MAL2: variants seen among roughly 807,000 people sequenced by gnomAD.
The protein encoded by MAL2 is protein MAL2.
A neutral mutation model predicts 18.1 loss-of-function variants in MAL2; 17 were observed. The ratio of observed to expected loss-of-function variants is 0.94; its 90% CI spans 0.64 to 1.41. The LOEUF is 1.41. Ranked by LOEUF, MAL2 falls within the 40% of genes most tolerant of loss-of-function variation. The pLI is 0.00. For missense variants in MAL2, 222 were observed against 231.9 expected (o/e 0.96, Z 0.28); for synonymous variants, 102 against 102.3 (o/e 1.00, Z 0.02).
intron 2 of MAL2, among the ~76,000 whole-genome samples, chr8:119,233,913 T>C (rs1335887140): frequency 6.6e-6 from 1 of 152,110 alleles, no homozygotes; most frequent in East Asian, 1.9e-4. Context: ...TGAACATTGA[T>C]GCAAAAATCC....
At chr8:119,226,622 CATGAAGGCAATTAAGAAA>C (rs1162325691) in intron 2 of MAL2, among the ~76,000 whole-genome samples, 1 of 148,488 alleles carries the variant, frequency 6.7e-6, no homozygotes, top group Non-Finnish European at 1.5e-5. Context: ...AGCAAGAGCA[CATGAAGGCAATTAAGAAA>C]GTGAAGGCAA....
At chr8:119,220,329 G>A (rs900238013) in intron 1 of MAL2, among the ~76,000 whole-genome samples, 1 of 152,104 alleles carries the variant, frequency 6.6e-6, no homozygotes, top group African/African-American at 2.4e-5. Flanking sequence ...TCTGTCCTCA[G>A]TGTTCTGATT....
chr8:119,217,776 A>G (rs1817382240), intron 1 of MAL2, among the ~76,000 whole-genome samples: 1 of 152,070 alleles, frequency 6.6e-6, no homozygotes. Flanking sequence ...TCTGCTTTTT[A>G]CTTCTAAAAA....
chr8:119,212,002 C>T (rs1301890125), intron 1 of MAL2, among the ~76,000 whole-genome samples: 1 of 152,146 alleles, frequency 6.6e-6, no homozygotes, highest in African/African-American at 2.4e-5. Context: ...TGTTTAAACC[C>T]TTCCTCACCA....
intron 1 of MAL2, among the ~76,000 whole-genome samples, chr8:119,213,981 T>G (rs1230369638): frequency 6.6e-6 from 1 of 152,176 alleles, no homozygotes; most frequent in African/African-American, 2.4e-5. Flanking sequence ...ACCAAGTAGC[T>G]GAAAAGATTC....
At chr8:119,240,883 A>G (rs999835715) in intron 3 of MAL2, among the ~76,000 whole-genome samples, 2 of 152,158 alleles carry the variant, frequency 1.3e-5, no homozygotes, top group Non-Finnish European at 2.9e-5. Flanking sequence ...GTATTTATTA[A>G]ATTTTTTAAA....
chr8:119,239,291 A>T (rs1188762567), intron 2 of MAL2, among the ~76,000 whole-genome samples: 3 of 152,014 alleles, frequency 2.0e-5, no homozygotes, highest in Non-Finnish European at 4.4e-5. Flanking sequence ...GCTGGAGAGG[A>T]TGTGGAGAAA....
chr8:119,208,674 G>A lies in MAL2; in HGVS notation c.132+70G>A, dbSNP rs938490268. On this transcript the variant is annotated intron_variant, in intron 1 of 3. Transcript: ENST00000614891. The surrounding 1 kb of genome is among the most constrained non-coding windows in gnomAD (Gnocchi z 4.3). Reference sequence around the variant, plus strand: ...AGGCGGCGGCATCCTTGTCCCCCGGGCTGTCTTCCTCTGCGTCCGCCCCCG... The same window carrying A: ...AGGCGGCGGCATCCTTGTCCCCCGGACTGTCTTCCTCTGCGTCCGCCCCCG... The A allele has an allele frequency of 1.2e-4, 154 of 1,233,946 alleles. No homozygotes were observed. Among genetic ancestry groups the A allele is most frequent in the Middle Eastern group, 2.5e-4 (1 of 4,062 alleles). The allele number at this position is 1,233,946 out of a possible 1,614,324, so 76.4% of individuals were successfully genotyped here.
chr8:119,242,959 C>A (rs1348577659), intron 3 of MAL2, among the ~76,000 whole-genome samples: 1 of 152,212 alleles, frequency 6.6e-6, no homozygotes, highest in Admixed American at 6.5e-5. Flanking sequence ...TAATTCATTT[C>A]CACTTGTCTT....
chr8:119,238,271 C>A (rs557079057), intron 2 of MAL2, among the ~76,000 whole-genome samples: 2,178 of 144,246 alleles, frequency 0.015, 56 homozygotes, highest in African/African-American at 0.059. Context: ...CCACTGCTCA[C>A]TGAAATGAAA....
chr8:119,227,068 G>A (rs1817611827), intron 2 of MAL2, among the ~76,000 whole-genome samples: 1 of 152,214 alleles, frequency 6.6e-6, no homozygotes, highest in Non-Finnish European at 1.5e-5. Context: ...CCCTATACTA[G>A]GCCCTGGGAA....
chr8:119,240,074 T>C, intron 2 of MAL2, 91 bp from the exon 3 acceptor site: 1 of 1,316,698 alleles, frequency 7.6e-7, no homozygotes, highest in Non-Finnish European at 1.1e-6. Flanking sequence ...TTAAATGTTT[T>C]GATCTTGCTA....
chr8:119,223,660 CA>C (rs1360613360), intron 2 of MAL2: 1 of 152,136 alleles, frequency 6.6e-6, no homozygotes, highest in East Asian at 1.9e-4. Context: ...GTTACTGAGG[CA>C]AAAGATGGTA....
At chr8:119,239,861 CTA>C (rs1176918703) in intron 2 of MAL2, among the ~76,000 whole-genome samples, 3 of 107,774 alleles carry the variant, frequency 2.8e-5, no homozygotes, top group Non-Finnish European at 6.2e-5. Flanking sequence ...ACATATGTAA[CTA>C]ACCTGCACAT....
At chr8:119,230,977 GGTTA>G (rs1443797577) in intron 2 of MAL2, among the ~76,000 whole-genome samples, 4 of 152,072 alleles carry the variant, frequency 2.6e-5, no homozygotes, top group Non-Finnish European at 4.4e-5. Flanking sequence ...TCTTACCCAT[GGTTA>G]GTTAAATTTG....
At chr8:119,239,665 C>A (rs1330458188) in intron 2 of MAL2, among the ~76,000 whole-genome samples, 1 of 151,662 alleles carries the variant, frequency 6.6e-6, no homozygotes, top group Non-Finnish European at 1.5e-5. Context: ...TAAACTATCG[C>A]AAGAACAAAA....
rs557160790 is a variant in MAL2 at position 119,223,148 on chromosome 8, T to C, written c.303+1391T>C. 2.0e-5 allele frequency: 3 copies of C among 152,350 alleles called. No individual in the cohort carries two copies. In the South Asian group the frequency reaches 6.2e-4, roughly 32 times the overall value. 9.4% of individuals were successfully genotyped at this position (152,350 alleles called of 1,614,324 possible). On this transcript the variant is annotated intron_variant, in intron 2 of 3. Coordinates refer to ENST00000614891, the MANE Select transcript of MAL2 (RefSeq NM_052886.3). The stretch of plus-strand genomic sequence containing the variant: ...GCAGATGTTAAATATCTGTTCTTGT[T>C]TTATTTATAGGGCATAAGAGGAACT...
chr8:119,232,102 A>G (rs796774242), intron 2 of MAL2, among the ~76,000 whole-genome samples: 1 of 131,180 alleles, frequency 7.6e-6, no homozygotes, highest in Non-Finnish European at 1.5e-5. Context: ...GGTTTTATAT[A>G]TTTTTTTATA....
chr8:119,241,854 T>C (rs929827333), intron 3 of MAL2, among the ~76,000 whole-genome samples: 1 of 152,178 alleles, frequency 6.6e-6, no homozygotes, highest in African/African-American at 2.4e-5. Flanking sequence ...ATCTAGAAGA[T>C]AAAAGTGTAA....
Sources: allele counts gnomAD v4.1 joint callset (sites outside exome capture counted in the v4.1 genomes callset), GRCh38; gene constraint gnomAD v4.1.1; non-coding constraint Gnocchi (gnomAD v3.1); transcripts MANE v1.5; gene names NCBI Gene and HGNC (gene_info 2026-07-23, HGNC 2026-07-21).